DCC: variants seen among roughly 807,000 people sequenced by gnomAD.
The protein encoded by DCC is DCC netrin 1 receptor, also known as netrin receptor DCC.
DCC carries 58 observed loss-of-function variants against 172.5 expected under a neutral mutation model. The ratio of observed to expected loss-of-function variants is 0.34; its 90% CI spans 0.27 to 0.42. The LOEUF is 0.42. Ranked by LOEUF, DCC falls within the 10% of genes least tolerant of loss-of-function variation. DCC has a pLI of 1.00. For missense variants in DCC, 1,740 were observed against 1,791.0 expected, an observed-to-expected ratio of 0.97 and a Z score of 0.51; for synonymous variants, 709 against 644.5, an observed-to-expected ratio of 1.10 and a Z score of -1.52.
intron 1 of DCC, among the ~76,000 whole-genome samples, chr18:52,645,498 A>T (rs1706094353): frequency 6.6e-6 from 1 of 152,190 alleles, no homozygotes; most frequent in Non-Finnish European, 1.5e-5. Flanking sequence ...AGATCTGAAA[A>T]TTTTAAAAAA....
At chr18:53,148,342 G>A (rs2043946525) in intron 7 of DCC, among the ~76,000 whole-genome samples, 1 of 152,178 alleles carries the variant, frequency 6.6e-6, no homozygotes, top group African/African-American at 2.4e-5. Context: ...AGCTGTCACA[G>A]CCTGTCAGTC....
At chr18:52,533,229 G>A (rs986184341) in intron 1 of DCC, among the ~76,000 whole-genome samples, 3 of 151,910 alleles carry the variant, frequency 2.0e-5, no homozygotes, top group Non-Finnish European at 4.4e-5. Context: ...ATCTTATTCC[G>A]ACTTCCAGTT....
chr18:53,336,838 T>G (rs931064910), intron 14 of DCC, among the ~76,000 whole-genome samples: 4 of 152,260 alleles, frequency 2.6e-5, no homozygotes, highest in Admixed American at 2.6e-4. Context: ...ATCTCACCAC[T>G]GCAATCCAGC....
intron 1 of DCC, among the ~76,000 whole-genome samples, chr18:52,497,744 G>A (rs541807501): frequency 1.3e-5 from 2 of 152,130 alleles, no homozygotes; most frequent in South Asian, 2.1e-4. Context: ...CCCTCATCAA[G>A]GGGTGGTCTA....
At chr18:53,003,369 G>GC (rs2041595969) in intron 5 of DCC, among the ~76,000 whole-genome samples, 1 of 152,168 alleles carries the variant, frequency 6.6e-6, no homozygotes, top group African/African-American at 2.4e-5. Context: ...TAGTAACATG[G>GC]CCCTGGGGTC....
chr18:52,417,764 T>C lies in DCC; in HGVS notation c.91+76886T>C, dbSNP rs945186212. On this transcript the variant is annotated intron_variant, in intron 1 of 28. Coordinates refer to ENST00000442544, the MANE Select transcript of DCC (RefSeq NM_005215.4). Reference sequence around the variant, plus strand: ...TTCTCTGTATTGGTTATTCTAGTTATACATTCGTCTAAATTTTTTTCAAAG... The same window carrying C: ...TTCTCTGTATTGGTTATTCTAGTTACACATTCGTCTAAATTTTTTTCAAAG... Among the ~76,000 whole-genome samples the C allele has an allele frequency of 6.6e-4, 100 of 152,216 alleles. 1 individual carries two copies. Among genetic ancestry groups the C allele is most frequent in the African/African-American group, 2.4e-3 (100 of 41,464 alleles).
intron 5 of DCC, among the ~76,000 whole-genome samples, chr18:53,029,128 G>A (rs2041994914): frequency 6.6e-6 from 1 of 151,626 alleles, no homozygotes; most frequent in South Asian, 2.1e-4. Context: ...ATTCATATGA[G>A]CCATATTTTG....
chr18:52,872,720 G>A (rs1412315734), intron 2 of DCC, among the ~76,000 whole-genome samples: 2 of 152,132 alleles, frequency 1.3e-5, no homozygotes, highest in Non-Finnish European at 2.9e-5. Flanking sequence ...GGTCATGCTG[G>A]CAGCTGTTCC....
intron 14 of DCC, among the ~76,000 whole-genome samples, chr18:53,337,239 A>G (rs10469024): frequency 6.6e-6 from 1 of 152,052 alleles, no homozygotes; most frequent in Non-Finnish European, 1.5e-5. Context: ...TATTGTCATT[A>G]AAATCATTAT....
chr18:52,514,481 C>T (rs550825741), intron 1 of DCC, among the ~76,000 whole-genome samples: 5 of 152,176 alleles, frequency 3.3e-5, no homozygotes, highest in Non-Finnish European at 5.9e-5. Context: ...TGTCTCCAGA[C>T]ATTACCAAAT....
intron 26 of DCC, among the ~76,000 whole-genome samples, chr18:53,497,543 G>C (rs115453210): frequency 6.6e-6 from 1 of 152,138 alleles, no homozygotes; most frequent in African/African-American, 2.4e-5. Flanking sequence ...ATTGACCATC[G>C]GTCATAGTCT....
intron 7 of DCC, among the ~76,000 whole-genome samples, chr18:53,073,881 A>G (rs2042688619): frequency 6.6e-6 from 1 of 151,072 alleles, no homozygotes; most frequent in African/African-American, 2.4e-5. Flanking sequence ...GGACAAAAGG[A>G]ATATACTAAT....
intron 1 of DCC, among the ~76,000 whole-genome samples, chr18:52,390,871 C>T (rs1986004493): frequency 1.3e-5 from 2 of 152,120 alleles, no homozygotes; most frequent in South Asian, 4.1e-4. Context: ...ACTACACTCT[C>T]TTATACATAG....
At chr18:53,133,599 AT>A (rs2043692360) in intron 7 of DCC, among the ~76,000 whole-genome samples, 1 of 152,178 alleles carries the variant, frequency 6.6e-6, no homozygotes, top group Admixed American at 6.6e-5. Context: ...CACCACTTTC[AT>A]GGGCCACTCA....
At position 53,066,057 on chromosome 18, in the gene DCC, C is replaced by T. The variant is rs747524105; in HGVS notation, c.1152C>T (p.Asn384=). 7 of 1,613,144 alleles carry T rather than the reference C, an allele frequency of 4.3e-6. No homozygotes were observed. Among genetic ancestry groups the T allele is most frequent in the South Asian group, 2.2e-5 (2 of 91,064 alleles). Reference sequence around the variant, plus strand: ...TTTCTTTTCCCTAGGGAGGAAGCAACTTACGGATACTTGGGGTGGTGAAGT... The same window carrying T: ...TTTCTTTTCCCTAGGGAGGAAGCAATTTACGGATACTTGGGGTGGTGAAGT... ...SDYFQIVGGS[N]LRILGVVKSD... Residue 384 remains asparagine (N), a synonymous_variant, in exon 7 of 29, where the codon AAC becomes AAT. Transcript: ENST00000442544.
intron 2 of DCC, among the ~76,000 whole-genome samples, chr18:52,830,407 C>T (rs1013187009): frequency 6.6e-6 from 1 of 152,110 alleles, no homozygotes; most frequent in Non-Finnish European, 1.5e-5. Flanking sequence ...AAAGTCTTGT[C>T]AACTATTTTA....
At chr18:52,877,703 A>G (rs1186947474) in intron 2 of DCC, among the ~76,000 whole-genome samples, 1 of 121,512 alleles carries the variant, frequency 8.2e-6, no homozygotes, top group South Asian at 2.3e-4. Flanking sequence ...GTGAGACAAT[A>G]TAAAAAAAAA....
chr18:52,574,099 A>G (rs914579382), intron 1 of DCC, among the ~76,000 whole-genome samples: 3 of 152,186 alleles, frequency 2.0e-5, no homozygotes, highest in Admixed American at 6.5e-5. Context: ...CCATTTGTTC[A>G]TTCAGCAAAT....
At chr18:53,112,725 A>G (rs562184060) in intron 7 of DCC, among the ~76,000 whole-genome samples, 35 of 151,536 alleles carry the variant, frequency 2.3e-4, no homozygotes, top group South Asian at 4.2e-4. Flanking sequence ...TAGATTCCAT[A>G]TTGGCAGGAT....
Sources: allele counts gnomAD v4.1 joint callset (sites outside exome capture counted in the v4.1 genomes callset), GRCh38; gene constraint gnomAD v4.1.1; transcripts MANE v1.5; gene names NCBI Gene and HGNC (gene_info 2026-07-23, HGNC 2026-07-21).